The following DCC variants were observed in gnomAD, a reference collection of about 807,000 sequenced individuals.
DCC encodes DCC netrin 1 receptor.
DCC carries 58 observed loss-of-function variants against 172.5 expected under a neutral mutation model. That is an observed-to-expected ratio of 0.34 (90% CI 0.27 to 0.42). DCC has a LOEUF of 0.42. Ranked by LOEUF, DCC falls within the 10% of genes least tolerant of loss-of-function variation. DCC has a pLI of 1.00. For synonymous variants in DCC, 709 were observed against 644.5 expected (o/e 1.10, Z -1.52); for missense variants, 1,740 against 1,791.0 (o/e 0.97, Z 0.51).
At chr18:53,027,864 G>A (rs1014075255) in intron 5 of DCC, among the ~76,000 whole-genome samples, 2 of 151,924 alleles carry the variant, frequency 1.3e-5, no homozygotes, top group East Asian at 3.9e-4. Context: ...ATCTGGCCAA[G>A]GGGAGACAGT....
chr18:53,525,995 A>T (rs2046450040), intron 27 of DCC, among the ~76,000 whole-genome samples: 1 of 152,150 alleles, frequency 6.6e-6, no homozygotes, highest in African/African-American at 2.4e-5. Flanking sequence ...CAGAAATATC[A>T]TCTATTTGAT....
chr18:53,205,009 T>C (rs1258152300), intron 9 of DCC, among the ~76,000 whole-genome samples: 2 of 152,210 alleles, frequency 1.3e-5, no homozygotes, highest in Non-Finnish European at 2.9e-5. Flanking sequence ...GCAATTTTGG[T>C]TAATGTAAGC....
chr18:52,608,009 G>A (rs1046348901), intron 1 of DCC, among the ~76,000 whole-genome samples: 3 of 152,036 alleles, frequency 2.0e-5, no homozygotes, highest in South Asian at 2.1e-4. Context: ...AGGAACCTCC[G>A]GGCCCTATTT....
intron 23 of DCC, among the ~76,000 whole-genome samples, chr18:53,456,686 G>A (rs996063954): frequency 2.6e-5 from 4 of 152,140 alleles, no homozygotes; most frequent in African/African-American, 7.2e-5. Context: ...CAAGTTCCCA[G>A]GCAGTGGCAG....
intron 12 of DCC, among the ~76,000 whole-genome samples, chr18:53,284,585 G>T (rs543443017): frequency 6.6e-6 from 1 of 152,236 alleles, no homozygotes; most frequent in East Asian, 1.9e-4. Flanking sequence ...AAATTGCCCA[G>T]TCTCAAGTAT....
chr18:53,201,435 T>A (rs1248785148), intron 9 of DCC, among the ~76,000 whole-genome samples: 1 of 152,174 alleles, frequency 6.6e-6, no homozygotes, highest in Non-Finnish European at 1.5e-5. Context: ...ATACGGCATA[T>A]ATCTTAACAG....
At chr18:52,973,127 T>C (rs533704446) in intron 5 of DCC, among the ~76,000 whole-genome samples, 1 of 152,228 alleles carries the variant, frequency 6.6e-6, no homozygotes, top group Non-Finnish European at 1.5e-5. Flanking sequence ...AAATGAGTGA[T>C]TGAATAGATG....
At chr18:52,522,916 G>A (rs760620602) in intron 1 of DCC, among the ~76,000 whole-genome samples, 3 of 152,190 alleles carry the variant, frequency 2.0e-5, no homozygotes, top group Non-Finnish European at 2.9e-5. Context: ...GGTAATTCTA[G>A]CACCACAGTT....
chr18:52,522,020 A>G lies in DCC; in HGVS notation c.91+181142A>G, dbSNP rs544607707. On this transcript the variant is annotated intron_variant, in intron 1 of 28. Transcript: ENST00000442544. ...ATTGTCTGCAAGCTGACTTTGAAAA[A>G]GAGCAATGGAATAGAAATGCCCAAA... Among the ~76,000 whole-genome samples, 3 of 152,308 alleles carry G rather than the reference A, an allele frequency of 2.0e-5. No homozygotes were observed. The East Asian group carries it at 5.8e-4, about 29-fold the overall frequency.
rs1230863832 is a variant in DCC, at chr18:53,459,369, A to T, written c.3530A>T (p.Asp1177Val). 1 of 1,613,724 alleles carries T rather than the reference A, an allele frequency of 6.2e-7. No individual in the cohort carries two copies. The highest frequency in any genetic ancestry group is 8.5e-7 in the Non-Finnish European group (1 of 1,179,914). ...KPSGTDPAGR[D>V]SPIQSCQDLT... ...TCTGGCACTGACCCTGCAGGAAGGGACTCTCCCATCCAAAGTTGCCAAGAC... is the reference window on the plus strand; with the variant it reads ...TCTGGCACTGACCCTGCAGGAAGGGTCTCTCCCATCCAAAGTTGCCAAGAC... Residue 1177 changes from aspartate (D) to valine (V), a missense_variant, in exon 24 of 29, where the codon GAC (aspartate) becomes GTC (valine). Physicochemically the swap from Asp to Val is radical, Grantham distance 152. Coordinates refer to ENST00000442544, the MANE Select transcript of DCC (RefSeq NM_005215.4).
intron 1 of DCC, among the ~76,000 whole-genome samples, chr18:52,653,414 A>G (rs1398142851): frequency 6.6e-6 from 1 of 152,220 alleles, no homozygotes; most frequent in Non-Finnish European, 1.5e-5. Flanking sequence ...AGCATAAACT[A>G]AAAATTCTAT....
chr18:53,233,890 G>A (rs1392522638), intron 12 of DCC, among the ~76,000 whole-genome samples: 1 of 152,092 alleles, frequency 6.6e-6, no homozygotes. Context: ...GAGTTGGGTG[G>A]ATCACCTGCG....
chr18:52,689,583 A>C (rs2035897882), intron 1 of DCC, among the ~76,000 whole-genome samples: 1 of 152,148 alleles, frequency 6.6e-6, no homozygotes, highest in Non-Finnish European at 1.5e-5. Flanking sequence ...CGCAGTGCCT[A>C]GCATGGTATA....
intron 2 of DCC, among the ~76,000 whole-genome samples, chr18:52,799,532 A>G (rs1241152603): frequency 6.6e-6 from 1 of 152,248 alleles, no homozygotes; most frequent in Non-Finnish European, 1.5e-5. Context: ...TCTCATATCA[A>G]GTCACATGTT....
chr18:53,279,377 C>A (rs1211578363), intron 12 of DCC, among the ~76,000 whole-genome samples: 1 of 151,464 alleles, frequency 6.6e-6, no homozygotes, highest in Admixed American at 6.6e-5. Flanking sequence ...AACCATCATT[C>A]TCAGCAAACT....
intron 12 of DCC, among the ~76,000 whole-genome samples, chr18:53,248,265 C>G (rs1035160438): frequency 6.6e-6 from 1 of 151,974 alleles, no homozygotes; most frequent in Non-Finnish European, 1.5e-5. Flanking sequence ...CCTGAACATT[C>G]AGAGATGGGC....
At chr18:53,100,718 C>T (rs1054168641) in intron 7 of DCC, among the ~76,000 whole-genome samples, 3 of 151,866 alleles carry the variant, frequency 2.0e-5, no homozygotes, top group Admixed American at 6.6e-5. Context: ...TCTCGGGGAT[C>T]GGATGTCTAG....
At chr18:53,515,743 G>A (rs1464449542) in intron 27 of DCC, among the ~76,000 whole-genome samples, 1 of 151,470 alleles carries the variant, frequency 6.6e-6, no homozygotes, top group Non-Finnish European at 1.5e-5. Context: ...AACTTACAAG[G>A]GATGTGAAGG....
chr18:52,929,840 A>ACACACACACACG (rs2040278119), intron 5 of DCC, among the ~76,000 whole-genome samples: 1 of 151,466 alleles, frequency 6.6e-6, no homozygotes, highest in Non-Finnish European at 1.5e-5. Context: ...ACACACACAC[A>ACACACACACACG]CACACACACA....
Sources: allele counts gnomAD v4.1 joint callset (sites outside exome capture counted in the v4.1 genomes callset), GRCh38; gene constraint gnomAD v4.1.1; transcripts MANE v1.5; gene names NCBI Gene and HGNC (gene_info 2026-07-23, HGNC 2026-07-21).